TPRX1: variants seen among roughly 807,000 people sequenced by gnomAD.
TPRX1 encodes tetra-peptide repeat homeobox protein 1.
A neutral mutation model predicts 8.1 loss-of-function variants in TPRX1; 2 were observed. That is an observed-to-expected ratio of 0.25 (90% CI 0.10 to 0.78). The LOEUF (loss-of-function observed/expected upper bound fraction) is 0.78, where lower values mean the gene tolerates loss of function less well. TPRX1 is among the 30% of genes least tolerant of loss of function. The pLI, the probability that TPRX1 is intolerant of heterozygous loss-of-function variation, is 0.70. For synonymous variants in TPRX1, 257 were observed against 254.1 expected, an observed-to-expected ratio of 1.01 and a Z score of -0.11; for missense variants, 517 against 586.9, an observed-to-expected ratio of 0.88 and a Z score of 1.23.
intron 2 of TPRX1, among the ~76,000 whole-genome samples, chr19:47,806,837 G>A (rs370717676): frequency 1.2e-4 from 19 of 152,118 alleles, no homozygotes; most frequent in Admixed American, 1.2e-3. Context: ...TATTGGGGAC[G>A]GTGAAAAATG....
chr19:47,817,381 C>T (rs1484992446), intron 2 of TPRX1, among the ~76,000 whole-genome samples: 4 of 151,978 alleles, frequency 2.6e-5, no homozygotes, highest in Admixed American at 1.3e-4. Flanking sequence ...AGTTCTGTCT[C>T]CCACGTCAGC....
intron 2 of TPRX1, among the ~76,000 whole-genome samples, chr19:47,804,989 T>C (rs1036355462): frequency 1.1e-4 from 16 of 152,218 alleles, no homozygotes; most frequent in East Asian, 1.9e-4. Flanking sequence ...CTGGGCTGCC[T>C]GCCTTGTCCA....
Position 47,818,340 on chromosome 19 carries a change from T to TCATCCATCCATC in TPRX1, c.151+116_151+127dup, listed in dbSNP as rs368266036. On this transcript the variant is annotated intron_variant, in intron 2 of 3. Coordinates refer to ENST00000535759, the Ensembl canonical transcript of TPRX1. ...ATCCATCCATCCATCCATCCATCCA[T>TCATCCATCCATC]CATCCATCCATCCATCCATCCATCC... The TCATCCATCCATC allele has an allele frequency of 3.0e-3, 693 of 228,384 alleles. 25 individuals are homozygous for TCATCCATCCATC. The African/African-American group carries it at 0.034, about 11-fold the overall frequency. 14.1% of individuals were successfully genotyped at this position (228,384 alleles called of 1,614,324 possible). A position where few individuals can be genotyped will look rare whatever the true frequency, so the allele number is the denominator to read the frequency against.
rs148788553 is a variant in TPRX1, at chr19:47,817,593, A to C, written c.151+875T>G. 1.9e-3 allele frequency among the ~76,000 whole-genome samples: 295 copies of C among 152,264 alleles called. 1 individual carries two copies. The highest frequency in any genetic ancestry group is 6.6e-3 in the African/African-American group (275 of 41,558). On this transcript the variant is annotated intron_variant, in intron 2 of 3. Transcript: ENST00000535759. ...AGTGGAAGAACCAGGGGTAGAATTT[A>C]AATCTCTTTGGCCCCCGAGCCCCGC...
Position 47,818,978 on chromosome 19 carries a change from G to A in TPRX1, c.74C>T (p.Ala25Val), listed in dbSNP as rs141998942. The A allele has an allele frequency of 2.4e-4, 61 of 251,618 alleles. No individual in the cohort carries two copies. In the East Asian group the frequency reaches 6.4e-3, roughly 27 times the overall value. 15.6% of individuals were successfully genotyped at this position (251,618 alleles called of 1,614,324 possible). ...CTCATTGTTCAATTCTCACCTATGA[G>A]CGAGAGCATGCGGTGTTTGGTTTTC... The change falls in exon 1 of 4, where the codon GCT becomes GTT. Residue 25 changes from alanine (A) to valine (V), a missense_variant. Physicochemically the swap from Ala to Val is moderately conservative, Grantham distance 64. Transcript: ENST00000535759.
chr19:47,818,340 T>TCCATC lies in TPRX1; in HGVS notation c.151+127_151+128insGATGG, dbSNP rs1555800344. On this transcript the variant is annotated intron_variant, in intron 2 of 3. Coordinates refer to ENST00000535759, the Ensembl canonical transcript of TPRX1. ...ATCCATCCATCCATCCATCCATCCA[T>TCCATC]CATCCATCCATCCATCCATCCATCC... 3 of 228,410 alleles carry TCCATC rather than the reference T, an allele frequency of 1.3e-5. No individual in the cohort carries two copies. The African/African-American group carries it at 1.6e-4, about 12-fold the overall frequency. The allele number at this position is 228,410 out of a possible 1,614,324, so 14.1% of individuals were successfully genotyped here.
exon 4 of TPRX1, chr19:47,802,552 G>T: frequency 6.4e-7 from 1 of 1,550,700 alleles, no homozygotes; most frequent in Non-Finnish European, 8.7e-7. Flanking sequence ...TTGGGCCTGG[G>T]ATTGGGCCAC....
At chr19:47,818,365 C>A (rs878866839) in intron 2 of TPRX1, 1 of 255,964 alleles carries the variant, frequency 3.9e-6, no homozygotes, top group Non-Finnish European at 7.3e-6. Flanking sequence ...TCCATCCATC[C>A]ATCATCCATC....
chr19:47,802,617 G>A, exon 4 of TPRX1: 1 of 1,551,236 alleles, frequency 6.4e-7, no homozygotes, highest in Non-Finnish European at 8.7e-7. Context: ...ATTGGGGCTG[G>A]GATCGGGCTT....
chr19:47,803,297 G>C lies in TPRX1; in HGVS notation c.321+207C>G, dbSNP rs904052694. 3.3e-5 allele frequency among the ~76,000 whole-genome samples: 5 copies of C among 151,942 alleles called. No homozygotes were observed. In the East Asian group the frequency reaches 7.8e-4, roughly 24 times the overall value. On this transcript the variant is annotated intron_variant, in intron 3 of 3. Transcript: ENST00000535759. ...AGGTCCGGGCACCGGGAGACCCCGT[G>C]GGGGACAGCCTGGGCCGATCATGTG...
intron 2 of TPRX1, among the ~76,000 whole-genome samples, chr19:47,803,921 G>T (rs934091684): frequency 1.3e-5 from 2 of 152,058 alleles, no homozygotes; most frequent in African/African-American, 4.8e-5. Flanking sequence ...AGCAGACGGG[G>T]CTGCCTCAGG....
chr19:47,805,874 C>T (rs1441350144), intron 2 of TPRX1, among the ~76,000 whole-genome samples: 1 of 152,194 alleles, frequency 6.6e-6, no homozygotes, highest in African/African-American at 2.4e-5. Context: ...GCATGATTCA[C>T]TATCGCCCAA....
rs557121314 is a variant in TPRX1 at position 47,807,061 on chromosome 19, C to T, written c.152-3388G>A. 1.9e-4 allele frequency among the ~76,000 whole-genome samples: 29 copies of T among 152,122 alleles called. No individual in the cohort carries two copies. In the Middle Eastern group the frequency reaches 0.01, roughly 54 times the overall value. ...CTGGGATTACAGGCATGCACCACCA[C>T]GCCCAGCTAACTTTTTGTATTTTTA... is the stretch of plus-strand genomic sequence containing the variant. On this transcript the variant is annotated intron_variant, in intron 2 of 3. Coordinates refer to ENST00000535759, the Ensembl canonical transcript of TPRX1.
chr19:47,807,593 G>A (rs1036013809), intron 2 of TPRX1, among the ~76,000 whole-genome samples: 4 of 152,042 alleles, frequency 2.6e-5, no homozygotes, highest in African/African-American at 9.7e-5. Flanking sequence ...GGCTAGTCTC[G>A]AACTCCTGGC....
At chr19:47,804,823 G>A (rs938122642) in intron 2 of TPRX1, among the ~76,000 whole-genome samples, 6 of 152,208 alleles carry the variant, frequency 3.9e-5, no homozygotes, top group East Asian at 1.9e-4. Context: ...CATTCCATGC[G>A]GGTTTGGTTG....
rs942075233 is a variant in TPRX1 at position 47,817,836 on chromosome 19, C to A, written c.151+632G>T. ...CCAAACTCATGTGGCTCCATGCCAG[C>A]TCTTGGCAAGACCCTCCCGACTCAG... On this transcript the variant is annotated intron_variant, in intron 2 of 3. Coordinates refer to ENST00000535759, the Ensembl canonical transcript of TPRX1. Among the ~76,000 whole-genome samples the A allele has an allele frequency of 4.6e-5, 7 of 152,364 alleles. No individual in the cohort carries two copies. In the South Asian group the frequency reaches 1.4e-3, roughly 32 times the overall value.
At chr19:47,807,818 G>A (rs558829420) in intron 2 of TPRX1, among the ~76,000 whole-genome samples, 1 of 152,220 alleles carries the variant, frequency 6.6e-6, no homozygotes, top group South Asian at 2.1e-4. Flanking sequence ...AGAGAATGTG[G>A]TTTTCTCTTG....
At chr19:47,801,871 G>A in exon 4 of TPRX1, 1 of 1,614,120 alleles carries the variant, frequency 6.2e-7, no homozygotes, top group Admixed American at 1.7e-5. Context: ...TGCCCATAGA[G>A]TCATCCCCTT....
chr19:47,803,451 G>A (rs1309010515), intron 3 of TPRX1, 53 bp downstream of exon 2: 1 of 1,127,490 alleles, frequency 8.9e-7, no homozygotes, highest in East Asian at 2.6e-5. Flanking sequence ...TGACAGCGGT[G>A]GGGAGGCTCC....
Sources: gnomAD v4.1 joint callset for allele counts (sites outside exome capture counted in the v4.1 genomes callset) on GRCh38, gnomAD v4.1.1 for gene constraint, MANE v1.5 for transcripts, NCBI Gene and HGNC (gene_info 2026-07-23, HGNC 2026-07-21) for gene names.